The following SQSTM1 variants were observed in gnomAD, a reference collection of about 807,000 sequenced individuals.
The protein encoded by SQSTM1 is sequestosome 1, also known as sequestosome-1.
Under a neutral mutation model 45.1 loss-of-function variants are expected in SQSTM1, and 36 were observed. That is an observed-to-expected ratio of 0.80 (90% CI 0.61 to 1.05). The LOEUF is 1.05. Ranked by LOEUF, SQSTM1 falls within the 50% of genes least tolerant of loss-of-function variation. SQSTM1 has a pLI of 0.00. For synonymous variants in SQSTM1, 290 were observed against 244.3 expected (o/e 1.19, Z -1.74); for missense variants, 617 against 607.1 (o/e 1.02, Z -0.17).
intron 1 of SQSTM1, among the ~76,000 whole-genome samples, chr5:179,811,241 A>G (rs142472849): frequency 0.01 from 1,522 of 151,944 alleles, 19 homozygotes; most frequent in South Asian, 0.017. Flanking sequence ...TCAAAAAAAA[A>G]AAGAGGTCCA....
At chr5:179,815,818 C>A (rs940781770), upstream of SQSTM1, among the ~76,000 whole-genome samples, 5 of 152,272 alleles carry the variant, frequency 3.3e-5, no homozygotes, top group African/African-American at 1.2e-4. Context: ...GATGACCCCA[C>A]GCCTTCTGCT....
upstream of SQSTM1, among the ~76,000 whole-genome samples, chr5:179,816,390 C>T (rs1373543941): frequency 5.3e-5 from 8 of 150,040 alleles, no homozygotes; most frequent in South Asian, 2.1e-4. Flanking sequence ...CCTCGTGATC[C>T]GCCCACCTCG....
intron 5 of SQSTM1, among the ~76,000 whole-genome samples, chr5:179,830,706 C>T (rs776015350): frequency 3.7e-4 from 56 of 152,082 alleles, no homozygotes; most frequent in South Asian, 1.3e-3. Context: ...TACAGGCACC[C>T]GCCACCATGC....
At chr5:179,818,782 G>A (rs931398081), upstream of SQSTM1, 1 of 152,390 alleles carries the variant, frequency 6.6e-6, no homozygotes, top group African/African-American at 2.4e-5. Context: ...TTTGAAAGAT[G>A]AGGAAATGAG....
intron 5 of SQSTM1, among the ~76,000 whole-genome samples, chr5:179,828,572 C>T (rs533200171): frequency 6.6e-6 from 1 of 152,090 alleles, no homozygotes; most frequent in Admixed American, 6.6e-5. Flanking sequence ...CGAGGTTTCT[C>T]TGTGTTGGTC....
Position 179,833,656 on chromosome 5 carries a change from G to A in SQSTM1, c.1039G>A (p.Asp347Asn), listed in dbSNP as rs749308026. 6.2e-7 allele frequency: 1 copy of A among 1,614,144 alleles called. No homozygotes were observed. Among genetic ancestry groups the A allele is most frequent in the Admixed American group, 1.7e-5 (1 of 60,022 alleles). ...DWTHLSSKEV[D>N]PSTGELQSLQ... ...GACCCATCTGTCTTCAAAAGAAGTGGACCCGTCTACAGGTGAACTCCAGTC... is the reference window on the plus strand; with the variant it reads ...GACCCATCTGTCTTCAAAAGAAGTGAACCCGTCTACAGGTGAACTCCAGTC... Residue 347 changes from aspartate (D) to asparagine (N), a missense_variant, in exon 7 of 8, where the codon GAC becomes AAC. Coordinates refer to ENST00000389805, the MANE Select transcript of SQSTM1 (RefSeq NM_003900.5).
intron 5 of SQSTM1, among the ~76,000 whole-genome samples, chr5:179,827,412 G>C (rs1194030522): frequency 1.3e-5 from 2 of 152,126 alleles, no homozygotes; most frequent in Non-Finnish European, 2.9e-5. Flanking sequence ...AGCCTCCCGA[G>C]TAGCTGGGAC....
At chr5:179,822,864 A>G (rs1478625206) in intron 1 of SQSTM1, 94 bp from the exon 2 acceptor site, 1 of 1,024,112 alleles carries the variant, frequency 9.8e-7, no homozygotes, top group Non-Finnish European at 1.5e-6. Context: ...TAGCCCTGTG[A>G]GTGTCCCTTT....
chr5:179,820,854 G>A, upstream of SQSTM1: 1 of 1,298,422 alleles, frequency 7.7e-7, no homozygotes, highest in Non-Finnish European at 1.0e-6. Flanking sequence ...TCTCGAGGCG[G>A]GGCGGGGCCT....
In SQSTM1 at chr5:179,827,657, C is replaced by A. The variant is rs190067866; in HGVS notation, c.754+2431C>A. On this transcript the variant is annotated intron_variant, in intron 5 of 7. Transcript: ENST00000389805. ...TTGCTTTCTCCGAACTAGGGAGGAGCCTGAAGCTCTACAAACAAGGAATAT... is the reference window on the plus strand; with the variant it reads ...TTGCTTTCTCCGAACTAGGGAGGAGACTGAAGCTCTACAAACAAGGAATAT... 1.1e-4 allele frequency among the ~76,000 whole-genome samples: 17 copies of A among 152,330 alleles called. 1 individual carries two copies. The East Asian group carries it at 2.9e-3, about 26-fold the overall frequency.
upstream of SQSTM1, among the ~76,000 whole-genome samples, chr5:179,818,012 C>CA (rs528143529): frequency 0.34 from 9,792 of 29,104 alleles, 3,231 homozygotes; most frequent in Non-Finnish European, 0.44. Flanking sequence ...GAGACTGTCT[C>CA]AAAAAAAAAA....
chr5:179,807,791 T>TA (rs1757245965), intron 1 of SQSTM1: 1 of 152,316 alleles, frequency 6.6e-6, no homozygotes, highest in African/African-American at 2.4e-5. Flanking sequence ...TAGCTGGGAC[T>TA]ACAGGCGGCC....
chr5:179,818,999 C>CA (rs1757668051), upstream of SQSTM1: 2 of 152,662 alleles, frequency 1.3e-5, no homozygotes, highest in South Asian at 4.1e-4. Flanking sequence ...TCAGGGGACT[C>CA]ACGGTGACCC....
At chr5:179,816,438 G>A (rs953862424), upstream of SQSTM1, among the ~76,000 whole-genome samples, 1 of 152,170 alleles carries the variant, frequency 6.6e-6, no homozygotes, top group Non-Finnish European at 1.5e-5. Context: ...GAGCCACCGC[G>A]CCTGGCCTCT....
Position 179,836,463 on chromosome 5 carries a change from T to C in SQSTM1, c.1193T>C (p.Leu398Pro). 1 of 1,614,148 alleles carries C rather than the reference T, an allele frequency of 6.2e-7. No homozygotes were observed. Among genetic ancestry groups the C allele is most frequent in the Non-Finnish European group, 8.5e-7 (1 of 1,180,026 alleles). The change falls in exon 8 of 8, where the codon CTC (leucine) becomes CCC (proline). Residue 398 changes from leucine (L) to proline (P), a missense_variant. Leu to Pro is a moderately conservative substitution (Grantham distance 98). Coordinates refer to ENST00000389805, the MANE Select transcript of SQSTM1 (RefSeq NM_003900.5). ...PEADPRLIES[L>P]SQMLSMGFSD... Reference sequence around the variant, plus strand: ...GCTGACCCGCGGCTGATTGAGTCCCTCTCCCAGATGCTGTCCATGGGCTTC... The same window carrying C: ...GCTGACCCGCGGCTGATTGAGTCCCCCTCCCAGATGCTGTCCATGGGCTTC...
At chr5:179,810,582 G>T (rs1335152300) in intron 1 of SQSTM1, among the ~76,000 whole-genome samples, 1 of 152,200 alleles carries the variant, frequency 6.6e-6, no homozygotes, top group African/African-American at 2.4e-5. Flanking sequence ...ACATACGTGT[G>T]CATGTGTCTT....
intron 5 of SQSTM1, among the ~76,000 whole-genome samples, chr5:179,831,414 C>G (rs1350395793): frequency 6.6e-6 from 1 of 152,158 alleles, no homozygotes; most frequent in Non-Finnish European, 1.5e-5. Context: ...GTAATCCAAG[C>G]ACTTTGGGAG....
At chr5:179,830,030 G>A (rs1188596639) in intron 5 of SQSTM1, among the ~76,000 whole-genome samples, 1 of 152,196 alleles carries the variant, frequency 6.6e-6, no homozygotes, top group African/African-American at 2.4e-5. Flanking sequence ...GATGGCTTGA[G>A]CCTGGAAGGC....
intron 1 of SQSTM1, chr5:179,822,379 G>A (rs555845991): frequency 5.2e-5 from 9 of 171,646 alleles, no homozygotes; most frequent in East Asian, 3.1e-4. Context: ...CTGTGCCCTC[G>A]GTGGATGGCG....
Sources: gnomAD v4.1 joint callset for allele counts (sites outside exome capture counted in the v4.1 genomes callset) on GRCh38, gnomAD v4.1.1 for gene constraint, MANE v1.5 for transcripts, NCBI Gene and HGNC (gene_info 2026-07-23, HGNC 2026-07-21) for gene names.